The following PTTG1IP2 variants were observed in gnomAD, a reference collection of about 807,000 sequenced individuals.
PTTG1IP2 encodes the protein PTTG1IP family member 2.
intron 6 of PTTG1IP2, among the ~76,000 whole-genome samples, chr7:90,508,692 A>C (rs892007956): frequency 2.4e-4 from 37 of 152,254 alleles, no homozygotes; most frequent in African/African-American, 8.9e-4. Flanking sequence ...TTGAAACCTT[A>C]CAACAATCCC....
In PTTG1IP2 at chr7:90,472,286, ACACACAC is replaced by A. The variant is rs1406904306; in HGVS notation, c.145+2356_145+2362del. ...AGTATACGATAGCATGCAAACACAC[ACACACAC>A]ACACACACACACACACACACACACA... is the stretch of plus-strand genomic sequence containing the variant. On this transcript the variant is annotated intron_variant, in intron 1 of 6. Transcript: ENST00000509356. Among the ~76,000 whole-genome samples the A allele has an allele frequency of 1.4e-3, 47 of 32,782 alleles. 1 individual carries two copies. In the East Asian group the frequency reaches 0.32, roughly 226 times the overall value. 21.5% of individuals were successfully genotyped at this position (32,782 alleles called of 152,430 possible). A position where few individuals can be genotyped will look rare whatever the true frequency, so the allele number is the denominator to read the frequency against.
At chr7:90,483,834 A>G (rs2116065900) in intron 2 of PTTG1IP2, among the ~76,000 whole-genome samples, 2 of 152,150 alleles carry the variant, frequency 1.3e-5, no homozygotes, top group South Asian at 4.1e-4. Flanking sequence ...CACATTCCTA[A>G]TTCCTAAGGA....
chr7:90,486,467 CTTTTT>C (rs532687452), intron 2 of PTTG1IP2, among the ~76,000 whole-genome samples: 2 of 119,220 alleles, frequency 1.7e-5, no homozygotes, highest in Admixed American at 8.9e-5. Context: ...CTTTGTCTTC[CTTTTT>C]TTTTTTTTTT....
chr7:90,487,660 G>T (rs1331921650), intron 3 of PTTG1IP2, among the ~76,000 whole-genome samples: 1 of 152,130 alleles, frequency 6.6e-6, no homozygotes, highest in African/African-American at 2.4e-5. Flanking sequence ...GATGTTCATT[G>T]GTCTTTCCTC....
chr7:90,475,145 G>C (rs1184857959), intron 1 of PTTG1IP2, among the ~76,000 whole-genome samples: 1 of 152,102 alleles, frequency 6.6e-6, no homozygotes, highest in African/African-American at 2.4e-5. Flanking sequence ...AGATGAACTG[G>C]AGCTAAGGAA....
intron 6 of PTTG1IP2, among the ~76,000 whole-genome samples, chr7:90,510,271 A>T (rs913725696): frequency 6.6e-6 from 1 of 152,180 alleles, no homozygotes; most frequent in Non-Finnish European, 1.5e-5. Context: ...TATCACACAT[A>T]TTTACATATT....
At chr7:90,483,125 G>A (rs1392773769) in intron 2 of PTTG1IP2, among the ~76,000 whole-genome samples, 2 of 152,122 alleles carry the variant, frequency 1.3e-5, no homozygotes, top group South Asian at 4.1e-4. Context: ...CAGTCAACAT[G>A]TGGATATCAC....
intron 6 of PTTG1IP2, among the ~76,000 whole-genome samples, chr7:90,496,000 G>A (rs1797986739): frequency 6.6e-6 from 1 of 152,250 alleles, no homozygotes; most frequent in Non-Finnish European, 1.5e-5. Flanking sequence ...TCCATTATTC[G>A]AGATTTTCCC....
In PTTG1IP2 at chr7:90,501,785, AT is replaced by A. The variant is rs778721212; in HGVS notation, c.*50+7356del. Among the ~76,000 whole-genome samples the A allele has an allele frequency of 4.6e-5, 7 of 152,264 alleles. No homozygotes were observed. The East Asian group carries it at 1.3e-3, about 29-fold the overall frequency. On this transcript the variant is annotated intron_variant, in intron 6 of 6. Coordinates refer to ENST00000509356, the MANE Select transcript of PTTG1IP2 (RefSeq NM_001365443.2). ...CGTTGGTGTTGATGGTTGCAGCCTGATCAGGGTGGTGGTTGCTGAAGTTTGG... is the reference window on the plus strand; with the variant it reads ...CGTTGGTGTTGATGGTTGCAGCCTGACAGGGTGGTGGTTGCTGAAGTTTGG...
At chr7:90,511,718 A>G (rs1224652392) in intron 6 of PTTG1IP2, among the ~76,000 whole-genome samples, 1 of 152,098 alleles carries the variant, frequency 6.6e-6, no homozygotes, top group Non-Finnish European at 1.5e-5. Flanking sequence ...ACTCATCTTA[A>G]GAGGGAAATT....
chr7:90,510,387 T>A (rs1290531366), intron 6 of PTTG1IP2, among the ~76,000 whole-genome samples: 1 of 152,204 alleles, frequency 6.6e-6, no homozygotes, highest in African/African-American at 2.4e-5. Flanking sequence ...ATGCTAAATG[T>A]CAGGCTCTCT....
chr7:90,498,917 T>A (rs574395039), intron 6 of PTTG1IP2, among the ~76,000 whole-genome samples: 2 of 152,308 alleles, frequency 1.3e-5, no homozygotes, highest in East Asian at 3.9e-4. Flanking sequence ...AGTGGCATGA[T>A]CATGGCTCAC....
chr7:90,512,738 T>C (rs185289485), intron 6 of PTTG1IP2, among the ~76,000 whole-genome samples: 165 of 152,340 alleles, frequency 1.1e-3, no homozygotes, highest in Non-Finnish European at 2.0e-3. Context: ...AAGTAGTCTG[T>C]TGAAATGGAG....
At chr7:90,493,965 C>T (rs1253304530) in intron 5 of PTTG1IP2, among the ~76,000 whole-genome samples, 3 of 152,166 alleles carry the variant, frequency 2.0e-5, no homozygotes, top group African/African-American at 4.8e-5. Context: ...CTGTACACTG[C>T]GATACTCCTC....
At chr7:90,490,766 T>G (rs1797928678) in intron 4 of PTTG1IP2, among the ~76,000 whole-genome samples, 1 of 152,174 alleles carries the variant, frequency 6.6e-6, no homozygotes, top group African/African-American at 2.4e-5. Context: ...TATTTATGAG[T>G]AAAGTGGCAA....
At chr7:90,510,116 C>T (rs1181472718) in intron 6 of PTTG1IP2, among the ~76,000 whole-genome samples, 1 of 152,148 alleles carries the variant, frequency 6.6e-6, no homozygotes, top group East Asian at 1.9e-4. Flanking sequence ...TGTCCAGGCT[C>T]AGTGGGAAAG....
intron 6 of PTTG1IP2, among the ~76,000 whole-genome samples, chr7:90,503,653 G>A (rs1002075962): frequency 6.6e-5 from 10 of 152,192 alleles, no homozygotes; most frequent in African/African-American, 1.9e-4. Flanking sequence ...ATTGGGGAAC[G>A]GCCAGTCAGT....
At chr7:90,472,140 G>A (rs1236477728) in intron 1 of PTTG1IP2, among the ~76,000 whole-genome samples, 4 of 152,060 alleles carry the variant, frequency 2.6e-5, no homozygotes, top group Admixed American at 2.6e-4. Context: ...AGGTGGTTAG[G>A]ATCTCACCTA....
At chr7:90,509,409 C>T (rs1293425992) in intron 6 of PTTG1IP2, among the ~76,000 whole-genome samples, 1 of 151,942 alleles carries the variant, frequency 6.6e-6, no homozygotes, top group African/African-American at 2.4e-5. Context: ...GAAAAAGAGT[C>T]CCTGGAAGAG....
Sources: gnomAD v4.1 joint callset for allele counts (sites outside exome capture counted in the v4.1 genomes callset) on GRCh38, gnomAD v4.1.1 for gene constraint, MANE v1.5 for transcripts, NCBI Gene and HGNC (gene_info 2026-07-23, HGNC 2026-07-21) for gene names.